The following NRXN3 variants were observed in gnomAD, a reference collection of about 807,000 sequenced individuals.
NRXN3 encodes the protein neurexin 3, also known as neurexin III.
Under a neutral mutation model 137.6 loss-of-function variants are expected in NRXN3, and 32 were observed. That is an observed-to-expected ratio of 0.23 (90% CI 0.18 to 0.31). The LOEUF (loss-of-function observed/expected upper bound fraction) is 0.31. Ranked by LOEUF, NRXN3 falls within the 10% of genes least tolerant of loss-of-function variation. The pLI is 1.00. For missense variants in NRXN3, 1,574 were observed against 2,062.5 expected (o/e 0.76, Z 4.59); for synonymous variants, 798 against 784.5 (o/e 1.02, Z -0.29).
chr14:78,856,822 C>T (rs559836981), intron 10 of NRXN3, among the ~76,000 whole-genome samples: 1 of 152,302 alleles, frequency 6.6e-6, no homozygotes, highest in Non-Finnish European at 1.5e-5. Flanking sequence ...CAACCTCTGC[C>T]TCCCAGGTTC....
At chr14:78,516,001 A>G (rs2096200325) in intron 4 of NRXN3, among the ~76,000 whole-genome samples, 1 of 152,128 alleles carries the variant, frequency 6.6e-6, no homozygotes, top group African/African-American at 2.4e-5. Flanking sequence ...CGTTGCTGTG[A>G]GGACTAATGA....
chr14:78,567,479 C>T (rs1323291820), intron 4 of NRXN3, among the ~76,000 whole-genome samples: 4 of 152,184 alleles, frequency 2.6e-5, no homozygotes, highest in South Asian at 2.1e-4. Flanking sequence ...CAAACAAGAG[C>T]GATGACCTCA....
At position 79,227,808 on chromosome 14, in the gene NRXN3, C is replaced by T. The variant is rs143624558; in HGVS notation, c.3263-239413C>T. On this transcript the variant is annotated intron_variant, in intron 15 of 20. Coordinates refer to ENST00000335750, the MANE Select transcript of NRXN3 (RefSeq NM_001330195.2). ...TTCCCTCCTCCCTTCCTCCCTTCCT[C>T]CCTCCCTTCCTCCCTTCCTCCCTTC... Among the ~76,000 whole-genome samples the T allele has an allele frequency of 6.7e-3, 525 of 78,944 alleles. 6 individuals carry two copies. The highest frequency in any genetic ancestry group is 0.01 in the South Asian group (18 of 1,740). 51.8% of individuals were successfully genotyped at this position (78,944 alleles called of 152,430 possible).
chr14:78,519,806 C>T (rs2096261772), intron 4 of NRXN3, among the ~76,000 whole-genome samples: 1 of 151,994 alleles, frequency 6.6e-6, no homozygotes, highest in Non-Finnish European at 1.5e-5. Flanking sequence ...TCAAAGGACC[C>T]ACATGTATGA....
At chr14:78,652,358 A>C (rs571294627) in intron 6 of NRXN3, among the ~76,000 whole-genome samples, 3 of 152,326 alleles carry the variant, frequency 2.0e-5, no homozygotes, top group Admixed American at 6.5e-5. Flanking sequence ...AGAGCAAAGG[A>C]GCTTCAGCCA....
intron 10 of NRXN3, 33 bp downstream of exon 10, chr14:78,810,377 T>TTAAAA: frequency 1.3e-6 from 1 of 745,700 alleles, no homozygotes; most frequent in Non-Finnish European, 2.0e-6. Flanking sequence ...TTTTGTTCTT[T>TTAAAA]AAAAAAAAAA....
chr14:79,103,885 G>A (rs563373226), intron 15 of NRXN3, among the ~76,000 whole-genome samples: 1 of 152,094 alleles, frequency 6.6e-6, no homozygotes, highest in Non-Finnish European at 1.5e-5. Context: ...AAATGCATGT[G>A]TTCACACCAA....
At chr14:79,092,202 C>T (rs2049333957) in intron 15 of NRXN3, among the ~76,000 whole-genome samples, 1 of 152,138 alleles carries the variant, frequency 6.6e-6, no homozygotes, top group African/African-American at 2.4e-5. Flanking sequence ...GAAACGGGAT[C>T]ACAGTTGACT....
intron 4 of NRXN3, among the ~76,000 whole-genome samples, chr14:78,462,454 C>A (rs557456970): frequency 1.3e-5 from 2 of 152,082 alleles, no homozygotes; most frequent in Non-Finnish European, 2.9e-5. Context: ...TATGAGACAC[C>A]AGGAGTAATT....
At chr14:78,468,350 C>G (rs1003363) in intron 4 of NRXN3, among the ~76,000 whole-genome samples, 151,672 of 152,306 alleles carry the variant, frequency 1, 75,523 homozygotes, top group Middle Eastern at 1. Flanking sequence ...GTCAGTTGCA[C>G]GTGGGCTTGT....
intron 1 of NRXN3, among the ~76,000 whole-genome samples, chr14:78,232,176 G>T (rs1264759411): frequency 6.6e-6 from 1 of 152,378 alleles, no homozygotes; most frequent in South Asian, 2.1e-4. Context: ...TCACCCTGTG[G>T]TGAAGCTGGG....
chr14:79,060,126 T>C (rs57582707), intron 15 of NRXN3, among the ~76,000 whole-genome samples: 1 of 152,356 alleles, frequency 6.6e-6, no homozygotes, highest in African/African-American at 2.4e-5. Flanking sequence ...GTCTGAAATC[T>C]TGCCAGGACT....
At chr14:79,229,263 T>G (rs926803091) in intron 15 of NRXN3, among the ~76,000 whole-genome samples, 1 of 152,200 alleles carries the variant, frequency 6.6e-6, no homozygotes, top group African/African-American at 2.4e-5. Flanking sequence ...GCCTTTAAAA[T>G]CAGTTTAATT....
chr14:79,382,138 A>C (rs1246735279), intron 15 of NRXN3, among the ~76,000 whole-genome samples: 3 of 152,212 alleles, frequency 2.0e-5, no homozygotes, highest in Admixed American at 6.5e-5. Flanking sequence ...CTGAGGATTA[A>C]ATGAGTGAAT....
intron 8 of NRXN3, among the ~76,000 whole-genome samples, chr14:78,719,789 C>T (rs1331687383): frequency 6.6e-6 from 1 of 152,012 alleles, no homozygotes; most frequent in Non-Finnish European, 1.5e-5. Flanking sequence ...TTGCAGTGAG[C>T]CAAGATCATG....
At chr14:79,856,451 T>C (rs2099402694) in intron 20 of NRXN3, among the ~76,000 whole-genome samples, 1 of 152,126 alleles carries the variant, frequency 6.6e-6, no homozygotes, top group Non-Finnish European at 1.5e-5. Flanking sequence ...AAATAAGAGA[T>C]GAAGTAAAAT....
chr14:78,839,106 C>A (rs2099005119), intron 10 of NRXN3, among the ~76,000 whole-genome samples: 1 of 152,128 alleles, frequency 6.6e-6, no homozygotes. Flanking sequence ...GCAAAGTTAA[C>A]AACTTGACTT....
intron 16 of NRXN3, among the ~76,000 whole-genome samples, chr14:79,494,868 G>C (rs774782179): frequency 3.9e-5 from 6 of 152,262 alleles, no homozygotes; most frequent in African/African-American, 4.8e-5. Flanking sequence ...GTATGTGTCA[G>C]AATCCAATCC....
intron 15 of NRXN3, among the ~76,000 whole-genome samples, chr14:79,155,728 T>A (rs1461197148): frequency 1.3e-5 from 2 of 151,826 alleles, no homozygotes; most frequent in Non-Finnish European, 2.9e-5. Flanking sequence ...TGGCAGATTT[T>A]AAAAAGGCTT....
Sources: allele counts gnomAD v4.1 joint callset (sites outside exome capture counted in the v4.1 genomes callset), GRCh38; gene constraint gnomAD v4.1.1; transcripts MANE v1.5; gene names NCBI Gene and HGNC (gene_info 2026-07-23, HGNC 2026-07-21).